Variants in UNC5B observed in about 807,000 individuals in gnomAD.
The protein encoded by UNC5B is unc-5 netrin receptor B.
Under a neutral mutation model 103.7 loss-of-function variants are expected in UNC5B, and 56 were observed. The observed-to-expected ratio is 0.54, with a 90% CI of 0.44 to 0.67. The LOEUF (loss-of-function observed/expected upper bound fraction) is 0.67. UNC5B is among the 30% of genes least tolerant of loss of function. UNC5B has a pLI of 0.00. For synonymous variants in UNC5B, 577 were observed against 542.0 expected, an observed-to-expected ratio of 1.06 and a Z score of -0.90; for missense variants, 1,194 against 1,284.5, an observed-to-expected ratio of 0.93 and a Z score of 1.08.
chr10:71,241,058 C>G (rs1221031401), intron 1 of UNC5B, among the ~76,000 whole-genome samples: 1 of 152,218 alleles, frequency 6.6e-6, no homozygotes, highest in Non-Finnish European at 1.5e-5. Flanking sequence ...AGGAACTGGT[C>G]AGATCACTCT....
At chr10:71,268,421 G>A (rs969885281) in intron 1 of UNC5B, among the ~76,000 whole-genome samples, 4 of 152,224 alleles carry the variant, frequency 2.6e-5, no homozygotes, top group Admixed American at 1.3e-4. Flanking sequence ...CCTTGCACAA[G>A]TCATTGCCCC....
chr10:71,243,465 T>A (rs527663431), intron 1 of UNC5B, among the ~76,000 whole-genome samples: 19 of 152,160 alleles, frequency 1.2e-4, no homozygotes, highest in African/African-American at 4.6e-4. Context: ...ATGGCCAGGG[T>A]GATGAAGGAA....
intron 1 of UNC5B, among the ~76,000 whole-genome samples, chr10:71,239,264 G>A (rs770199247): frequency 3.9e-5 from 6 of 152,272 alleles, no homozygotes; most frequent in Middle Eastern, 3.4e-3. Context: ...TTTTAGCAGC[G>A]GCCTTGGGAA....
chr10:71,298,879 A>G (rs895457655), intron 16 of UNC5B, among the ~76,000 whole-genome samples: 5 of 152,238 alleles, frequency 3.3e-5, no homozygotes, highest in African/African-American at 1.2e-4. Flanking sequence ...GATCTTGCTG[A>G]GCGGTAACTG....
chr10:71,219,116 G>A (rs1282460735), intron 1 of UNC5B, among the ~76,000 whole-genome samples: 5 of 152,188 alleles, frequency 3.3e-5, no homozygotes, highest in African/African-American at 9.6e-5. Context: ...CCCCACCCTG[G>A]TGTGCATGTT....
chr10:71,286,052 G>A (rs527938736), intron 4 of UNC5B, among the ~76,000 whole-genome samples: 4 of 152,212 alleles, frequency 2.6e-5, no homozygotes, highest in Non-Finnish European at 4.4e-5. Flanking sequence ...CCTCCTCTGC[G>A]TAGTGGGCTC....
At position 71,212,609 on chromosome 10, in the gene UNC5B, C is replaced by T. The variant is rs1376081335; in HGVS notation, c.-377C>T. Reference sequence around the variant, plus strand: ...CTGGGGCCGGCTAGGGCGCCGGAGCCGCACGCAGCCGCGGGGCTCCGAGAG... The same window carrying T: ...CTGGGGCCGGCTAGGGCGCCGGAGCTGCACGCAGCCGCGGGGCTCCGAGAG... On this transcript the variant is annotated 5_prime_UTR_variant, in exon 1 of 17. Transcript: ENST00000335350. The T allele has an allele frequency of 1.2e-5, 2 of 164,734 alleles. No individual in the cohort carries two copies. Among genetic ancestry groups the T allele is most frequent in the East Asian group, 1.7e-4 (1 of 5,962 alleles). 10.2% of individuals were successfully genotyped at this position (164,734 alleles called of 1,614,324 possible). A position where few individuals can be genotyped will look rare whatever the true frequency, so the allele number is the denominator to read the frequency against.
At chr10:71,294,388 C>T (rs546539323) in intron 13 of UNC5B, among the ~76,000 whole-genome samples, 1 of 152,296 alleles carries the variant, frequency 6.6e-6, no homozygotes, top group East Asian at 1.9e-4. Flanking sequence ...GCTCAGCTTC[C>T]CAGAAGCCTC....
At chr10:71,257,689 T>C (rs1043302588) in intron 1 of UNC5B, among the ~76,000 whole-genome samples, 12 of 152,196 alleles carry the variant, frequency 7.9e-5, no homozygotes, top group Admixed American at 6.5e-4. Flanking sequence ...GTTTGGAAGA[T>C]GTTTTCCATG....
chr10:71,286,104 G>T (rs925530042), intron 4 of UNC5B, among the ~76,000 whole-genome samples: 3 of 152,202 alleles, frequency 2.0e-5, no homozygotes, highest in African/African-American at 7.2e-5. Context: ...CACTTAGCAC[G>T]CTGGTCTCTG....
chr10:71,289,872 T>C (rs567345978), intron 8 of UNC5B, among the ~76,000 whole-genome samples: 3 of 152,362 alleles, frequency 2.0e-5, no homozygotes, highest in Non-Finnish European at 4.4e-5. Flanking sequence ...AGCCATGCCC[T>C]GCCTTGCTGA....
At chr10:71,251,962 G>C (rs1218054739) in intron 1 of UNC5B, among the ~76,000 whole-genome samples, 4 of 152,136 alleles carry the variant, frequency 2.6e-5, no homozygotes, top group Admixed American at 1.3e-4. Context: ...TGACATCTTT[G>C]TAAGTAAATG....
chr10:71,282,245 G>A (rs1844948250), intron 2 of UNC5B, among the ~76,000 whole-genome samples: 1 of 147,868 alleles, frequency 6.8e-6, no homozygotes, highest in Non-Finnish European at 1.5e-5. Context: ...AAACACAGAA[G>A]AGGACAGCTG....
intron 1 of UNC5B, among the ~76,000 whole-genome samples, chr10:71,214,917 T>C (rs1843300975): frequency 6.6e-6 from 1 of 152,178 alleles, no homozygotes; most frequent in Non-Finnish European, 1.5e-5. Context: ...CGGCTTTGAT[T>C]TCTCACCAGC....
intron 13 of UNC5B, among the ~76,000 whole-genome samples, chr10:71,295,557 A>G (rs1393336046): frequency 1.3e-5 from 2 of 152,196 alleles, no homozygotes; most frequent in Non-Finnish European, 2.9e-5. Flanking sequence ...CCGTTTATCC[A>G]TCCATCTGTC....
At chr10:71,252,644 A>G (rs546635780) in intron 1 of UNC5B, among the ~76,000 whole-genome samples, 9 of 152,300 alleles carry the variant, frequency 5.9e-5, no homozygotes, top group East Asian at 3.9e-4. Flanking sequence ...CCCTAACCCT[A>G]TGAGGTAGGC....
At chr10:71,214,218 C>T (rs568222654) in intron 1 of UNC5B, among the ~76,000 whole-genome samples, 4 of 152,184 alleles carry the variant, frequency 2.6e-5, no homozygotes, top group Non-Finnish European at 4.4e-5. Flanking sequence ...GCCCTCCCCA[C>T]CTCCTACCTC....
chr10:71,288,653 C>T lies in UNC5B; in HGVS notation c.987C>T (p.Pro329=). The T allele has an allele frequency of 6.2e-7, 1 of 1,613,922 alleles. No individual in the cohort carries two copies. Among genetic ancestry groups the T allele is most frequent in the Non-Finnish European group, 8.5e-7 (1 of 1,180,006 alleles). The change falls in exon 7 of 17, where the codon CCC becomes CCT. Residue 329 remains proline, a synonymous_variant. Coordinates refer to ENST00000335350, the MANE Select transcript of UNC5B (RefSeq NM_170744.5). ...GGCGTAGCCGCGAGTGCATGGCGCC[C>T]CCACCCCAGAACGGAGGCCGTGACT... is the stretch of plus-strand genomic sequence containing the variant. ...AHWRSRECMA[P]PPQNGGRDCS...
intron 1 of UNC5B, among the ~76,000 whole-genome samples, chr10:71,230,507 C>T (rs1370658741): frequency 6.6e-6 from 1 of 152,258 alleles, no homozygotes; most frequent in Non-Finnish European, 1.5e-5. Flanking sequence ...TAGCCTGCCT[C>T]TCTGGGGAGG....
Sources: gnomAD v4.1 joint callset for allele counts (sites outside exome capture counted in the v4.1 genomes callset) on GRCh38, gnomAD v4.1.1 for gene constraint, MANE v1.5 for transcripts, NCBI Gene and HGNC (gene_info 2026-07-23, HGNC 2026-07-21) for gene names.